PREX2: variants seen among roughly 807,000 people sequenced by gnomAD.
PREX2 encodes phosphatidylinositol 3,4,5-trisphosphate-dependent Rac exchanger 2 protein.
In PREX2, 107 loss-of-function variants were observed where a neutral mutation model predicts 203.2. The ratio of observed to expected loss-of-function variants is 0.53; its 90% CI spans 0.45 to 0.62. The LOEUF (loss-of-function observed/expected upper bound fraction) is 0.62. Among genes scored for constraint, PREX2 ranks in the 20% least tolerant of loss-of-function variants. PREX2 has a pLI of 0.00. For synonymous variants in PREX2, 672 were observed against 663.6 expected (o/e 1.01, Z -0.19); for missense variants, 1,777 against 1,955.9 (o/e 0.91, Z 1.72).
At chr8:68,162,317 A>G (rs930429713) in intron 35 of PREX2, among the ~76,000 whole-genome samples, 2 of 152,192 alleles carry the variant, frequency 1.3e-5, no homozygotes, top group African/African-American at 4.8e-5. Context: ...CTGTTTACTA[A>G]CAGATCTAAA....
intron 4 of PREX2, among the ~76,000 whole-genome samples, chr8:68,025,334 A>T (rs1315753049): frequency 6.6e-6 from 1 of 151,724 alleles, no homozygotes; most frequent in Non-Finnish European, 1.5e-5. Context: ...CTACTACCTT[A>T]TGGCTTCCAT....
intron 37 of PREX2, among the ~76,000 whole-genome samples, chr8:68,205,814 T>C (rs1459158036): frequency 6.6e-6 from 1 of 152,216 alleles, no homozygotes; most frequent in East Asian, 1.9e-4. Context: ...CGCAAATCTT[T>C]AGTCAAGAAG....
In PREX2 at chr8:68,232,427, A is replaced by T. The variant is rs1284320697; in HGVS notation, c.*1049A>T. On this transcript the variant is annotated 3_prime_UTR_variant, in exon 40 of 40. Transcript: ENST00000288368. ...ACAAGGTGTATTCTATCCTTATTCT[A>T]AAGTATATGTAATGTTTATCATTTC... 6.6e-6 allele frequency: 1 copy of T among 152,184 alleles called. No individual in the cohort carries two copies. Among genetic ancestry groups the T allele is most frequent in the South Asian group, 2.1e-4 (1 of 4,836 alleles). The allele number at this position is 152,184 out of a possible 1,614,324, so 9.4% of individuals were successfully genotyped here.
At chr8:68,084,513 G>A (rs2129612030) in intron 18 of PREX2, among the ~76,000 whole-genome samples, 1 of 152,236 alleles carries the variant, frequency 6.6e-6, no homozygotes, top group South Asian at 2.1e-4. Context: ...TCAAAGTGCA[G>A]TGCAGTGGGC....
intron 14 of PREX2, among the ~76,000 whole-genome samples, chr8:68,075,016 C>G (rs1659060623): frequency 6.6e-6 from 1 of 152,158 alleles, no homozygotes. Context: ...TCTTATTTGG[C>G]ATGTGCAGTA....
At chr8:68,060,403 C>T (rs187551590) in intron 10 of PREX2, among the ~76,000 whole-genome samples, 21 of 152,254 alleles carry the variant, frequency 1.4e-4, no homozygotes, top group African/African-American at 4.6e-4. Context: ...AAAATTTTCA[C>T]TTTGTGTTTA....
chr8:68,125,310 A>G (rs1303344130), intron 30 of PREX2, among the ~76,000 whole-genome samples: 4 of 152,248 alleles, frequency 2.6e-5, no homozygotes, highest in Admixed American at 2.0e-4. Flanking sequence ...ACCTGGTGCT[A>G]CCAGGCCAGA....
chr8:68,074,753 A>G (rs1809297056), intron 14 of PREX2, among the ~76,000 whole-genome samples: 1 of 152,180 alleles, frequency 6.6e-6, no homozygotes, highest in Non-Finnish European at 1.5e-5. Flanking sequence ...TTGAATGTCC[A>G]GTATGGACTG....
chr8:68,047,513 A>ATG (rs1808402300), intron 8 of PREX2, among the ~76,000 whole-genome samples: 2 of 101,712 alleles, frequency 2.0e-5, no homozygotes, highest in Admixed American at 8.7e-5. Context: ...ATATACACAT[A>ATG]CATATATATA....
At chr8:68,056,795 A>AC in intron 10 of PREX2, among the ~76,000 whole-genome samples, 1 of 152,310 alleles carries the variant, frequency 6.6e-6, no homozygotes, top group South Asian at 2.1e-4. Context: ...AGTAGACTGG[A>AC]GTCATAGTTT....
At chr8:68,043,883 C>T (rs1456678573) in intron 7 of PREX2, among the ~76,000 whole-genome samples, 1 of 151,934 alleles carries the variant, frequency 6.6e-6, no homozygotes, top group East Asian at 1.9e-4. Context: ...GTAATATACA[C>T]ACAGTTTTGA....
chr8:68,048,920 G>A (rs943631844), intron 8 of PREX2, among the ~76,000 whole-genome samples: 1 of 151,766 alleles, frequency 6.6e-6, no homozygotes, highest in Non-Finnish European at 1.5e-5. Flanking sequence ...TAGTATTGTT[G>A]CATAAGCTGG....
In PREX2 at chr8:68,197,946, A is replaced by G. The variant is rs188249295; in HGVS notation, c.4604+5421A>G. Among the ~76,000 whole-genome samples the G allele has an allele frequency of 1.2e-3, 180 of 152,048 alleles. 3 individuals are homozygous for G. The highest frequency in any genetic ancestry group is 4.1e-3 in the African/African-American group (172 of 41,540). On this transcript the variant is annotated intron_variant, in intron 37 of 39. Coordinates refer to ENST00000288368, the MANE Select transcript of PREX2 (RefSeq NM_024870.4). The stretch of plus-strand genomic sequence containing the variant: ...GATTTATCTTCTTTCTCAATTGTAT[A>G]TAAGAAACTACAGAGCGGCATCTTT...
chr8:67,987,601 C>T (rs1806472101), intron 1 of PREX2, among the ~76,000 whole-genome samples: 1 of 152,244 alleles, frequency 6.6e-6, no homozygotes. Flanking sequence ...CCATCACGTG[C>T]GCTGGACTGA....
intron 37 of PREX2, among the ~76,000 whole-genome samples, chr8:68,212,758 C>T (rs1312237047): frequency 1.3e-5 from 2 of 151,420 alleles, no homozygotes; most frequent in African/African-American, 4.8e-5. Context: ...CATGGATGAT[C>T]AAATTTAAAT....
intron 1 of PREX2, among the ~76,000 whole-genome samples, chr8:67,975,694 C>CTT (rs67614434): frequency 0.034 from 2,519 of 74,932 alleles, 743 homozygotes; most frequent in African/African-American, 0.066. Context: ...ATTTCTCTTT[C>CTT]TTTTTTTTTT....
chr8:68,171,614 G>C (rs1459764565), intron 35 of PREX2, among the ~76,000 whole-genome samples: 1 of 152,158 alleles, frequency 6.6e-6, no homozygotes, highest in Non-Finnish European at 1.5e-5. Context: ...TGGGACTTCA[G>C]CTTCCATGCC....
In PREX2 at chr8:68,069,837, T is replaced by G. The variant is rs766786530; in HGVS notation, c.1446T>G (p.Gly482=). Reference sequence around the variant, plus strand: ...TGATATATCTCTATTTTACGTAGGGTGTAAGATTATATTGTCGTCTTCATA... The same window carrying G: ...TGATATATCTCTATTTTACGTAGGGGGTAAGATTATATTGTCGTCTTCATA... ...RNEMQDVISK[G]VRLYCRLHSL... The change falls in exon 13 of 40, where the codon GGT becomes GGG. Residue 482 remains glycine, a splice_region_variant and synonymous_variant. Coordinates refer to ENST00000288368, the MANE Select transcript of PREX2 (RefSeq NM_024870.4). 6.6e-7 allele frequency: 1 copy of G among 1,516,130 alleles called. No individual in the cohort carries two copies. Among genetic ancestry groups the G allele is most frequent in the Non-Finnish European group, 9.1e-7 (1 of 1,102,254 alleles). 93.9% of individuals were successfully genotyped at this position (1,516,130 alleles called of 1,614,324 possible).
chr8:68,037,700 T>A (rs548235801), intron 6 of PREX2, among the ~76,000 whole-genome samples: 35 of 152,328 alleles, frequency 2.3e-4, no homozygotes, highest in African/African-American at 8.4e-4. Context: ...TTCTTTTCTT[T>A]TCTCCATCCT....
Sources: allele counts gnomAD v4.1 joint callset (sites outside exome capture counted in the v4.1 genomes callset), GRCh38; gene constraint gnomAD v4.1.1; transcripts MANE v1.5; gene names NCBI Gene and HGNC (gene_info 2026-07-23, HGNC 2026-07-21).